SASH1: variants seen among roughly 807,000 people sequenced by gnomAD.
The protein encoded by SASH1 is SAM and SH3 domain containing 1.
A neutral mutation model predicts 125.2 loss-of-function variants in SASH1; 44 were observed. The observed-to-expected ratio is 0.35, with a 90% confidence interval of 0.28 to 0.45. The LOEUF (loss-of-function observed/expected upper bound fraction) is 0.45. Among genes scored for constraint, SASH1 ranks in the 20% least tolerant of loss-of-function variants. The probability of loss-of-function intolerance (pLI) is 1.00; values close to 1 mark genes in which losing one functional copy is unlikely to be tolerated. For synonymous variants in SASH1, 639 were observed against 649.1 expected, an observed-to-expected ratio of 0.98 and a Z score of 0.24; for missense variants, 1,426 against 1,614.5, an observed-to-expected ratio of 0.88 and a Z score of 2.00.
intron 7 of SASH1, among the ~76,000 whole-genome samples, chr6:148,480,993 TTAAG>T (rs1341521341): frequency 8.9e-6 from 1 of 111,930 alleles, no homozygotes; most frequent in East Asian, 2.3e-4. Context: ...CACATATGCT[TTAAG>T]GAAGTCGAGC....
Position 148,548,587 on chromosome 6 carries a change from A to G in SASH1, c.*29A>G. The G allele has an allele frequency of 6.4e-7, 1 of 1,559,174 alleles. No homozygotes were observed. ...GGCCCGGAATGGGCCTCTCTGGACA[A>G]GAGCCACCCTTTCACTGTGCATATG... On this transcript the variant is annotated 3_prime_UTR_variant, in exon 20 of 20. Coordinates refer to ENST00000367467, the MANE Select transcript of SASH1 (RefSeq NM_015278.5).
At position 148,382,587 on chromosome 6, in the gene SASH1, GC is replaced by G. The variant is rs1783186810; in HGVS notation, c.157-7541del. 2.0e-5 allele frequency among the ~76,000 whole-genome samples: 3 copies of G among 152,108 alleles called. No homozygotes were observed. In the South Asian group the frequency reaches 6.2e-4, roughly 32 times the overall value. The stretch of plus-strand genomic sequence containing the variant: ...TTACAGGCATGAGCCACCGTGCCTG[GC>G]CCCCCAATTTTTTTTCCTGCTATTT... On this transcript the variant is annotated intron_variant, in intron 1 of 19. Coordinates refer to ENST00000367467, the MANE Select transcript of SASH1 (RefSeq NM_015278.5).
At chr6:148,421,343 A>G (rs1165418064) in intron 2 of SASH1, among the ~76,000 whole-genome samples, 1 of 152,174 alleles carries the variant, frequency 6.6e-6, no homozygotes, top group Non-Finnish European at 1.5e-5. Context: ...TCGCTCTGTT[A>G]CCTGGGCTGG....
At chr6:148,330,829 G>A (rs928144367) in intron 1 of SASH1, among the ~76,000 whole-genome samples, 1 of 152,158 alleles carries the variant, frequency 6.6e-6, no homozygotes, top group Admixed American at 6.5e-5. Flanking sequence ...CAGGTGATCT[G>A]CCAGCCTCGG....
intron 2 of SASH1, among the ~76,000 whole-genome samples, chr6:148,416,424 A>G (rs555947177): frequency 3.9e-5 from 6 of 152,306 alleles, no homozygotes; most frequent in African/African-American, 1.4e-4. Flanking sequence ...GTGGTCTGCA[A>G]TAGGAGATAC....
At chr6:148,196,452 C>G in the SASH1 span, among the ~76,000 whole-genome samples, 1 of 152,204 alleles carries the variant, frequency 6.6e-6, no homozygotes, top group Admixed American at 6.5e-5. Context: ...GATGGCCATG[C>G]ATGATTATTT....
chr6:148,280,807 CACA>C (rs987235718), intron 1 of SASH1, among the ~76,000 whole-genome samples: 2 of 151,888 alleles, frequency 1.3e-5, no homozygotes, highest in African/African-American at 2.4e-5. Flanking sequence ...GACCTTGTCT[CACA>C]ACAACAACAA....
intron 16 of SASH1, among the ~76,000 whole-genome samples, chr6:148,539,580 G>C (rs1782092665): frequency 6.6e-6 from 1 of 152,084 alleles, no homozygotes; most frequent in South Asian, 2.1e-4. Context: ...TATAGGTACT[G>C]CATTTTCTTT....
intron 2 of SASH1, among the ~76,000 whole-genome samples, chr6:148,434,771 A>G (rs1217352125): frequency 6.6e-6 from 1 of 152,194 alleles, no homozygotes; most frequent in Non-Finnish European, 1.5e-5. Context: ...CTAAGTTATA[A>G]TGCCCTCACT....
intron 5 of SASH1, among the ~76,000 whole-genome samples, chr6:148,470,819 T>C (rs973410414): frequency 2.0e-5 from 3 of 151,964 alleles, no homozygotes; most frequent in Admixed American, 6.6e-5. Flanking sequence ...GGGAGTGCCA[T>C]AAGCATGCCA....
At chr6:148,261,921 C>T in the SASH1 span, among the ~76,000 whole-genome samples, 16 of 152,228 alleles carry the variant, frequency 1.1e-4, no homozygotes, top group South Asian at 2.7e-3. Context: ...CATTTGTCTT[C>T]GGGATCTTTC....
intron 1 of SASH1, among the ~76,000 whole-genome samples, chr6:148,302,437 A>C (rs1057014611): frequency 1.3e-5 from 2 of 151,546 alleles, no homozygotes; most frequent in Admixed American, 1.3e-4. Flanking sequence ...GATCTTTGGA[A>C]TCCAAAACCA....
At chr6:148,384,513 GTGT>G (rs1783280703) in intron 1 of SASH1, among the ~76,000 whole-genome samples, 1 of 152,158 alleles carries the variant, frequency 6.6e-6, no homozygotes. Flanking sequence ...GTATGGTGGG[GTGT>G]TGAGTCAGAC....
At chr6:148,363,197 C>T (rs1254548496) in intron 1 of SASH1, among the ~76,000 whole-genome samples, 1 of 152,208 alleles carries the variant, frequency 6.6e-6, no homozygotes, top group Non-Finnish European at 1.5e-5. Flanking sequence ...CTTTGAATTC[C>T]CTGTCCTCAA....
chr6:148,524,121 A>ATATATATATTTTT (rs1193506716), intron 10 of SASH1, among the ~76,000 whole-genome samples: 522 of 128,502 alleles, frequency 4.1e-3, no homozygotes, highest in Non-Finnish European at 6.5e-3. Flanking sequence ...ATATATATAT[A>ATATATATATTTTT]TTTTTTTTAA....
chr6:148,430,855 T>C (rs932833199), intron 2 of SASH1, among the ~76,000 whole-genome samples: 3 of 152,108 alleles, frequency 2.0e-5, no homozygotes, highest in Middle Eastern at 3.2e-3. Context: ...GAAGATGGAG[T>C]TGACAATAGT....
chr6:148,278,413 C>G (rs1469054537), intron 1 of SASH1, among the ~76,000 whole-genome samples: 1 of 152,124 alleles, frequency 6.6e-6, no homozygotes, highest in African/African-American at 2.4e-5. Flanking sequence ...TGGGGAACAT[C>G]TTACCTAAAA....
chr6:148,402,810 C>A (rs189259648), intron 2 of SASH1, among the ~76,000 whole-genome samples: 1 of 150,484 alleles, frequency 6.6e-6, no homozygotes, highest in East Asian at 2.0e-4. Flanking sequence ...AGGGTTTCAC[C>A]ATGTTAGCCA....
At chr6:148,416,830 TG>T (rs1469756694) in intron 2 of SASH1, among the ~76,000 whole-genome samples, 1 of 152,208 alleles carries the variant, frequency 6.6e-6, no homozygotes, top group Non-Finnish European at 1.5e-5. Flanking sequence ...TATGGTTAGT[TG>T]AGCAGAAATT....
Sources: allele counts gnomAD v4.1 joint callset (sites outside exome capture counted in the v4.1 genomes callset), GRCh38; gene constraint gnomAD v4.1.1; transcripts MANE v1.5; gene names NCBI Gene and HGNC (gene_info 2026-07-23, HGNC 2026-07-21).